The following LAMA1 variants were observed in gnomAD, a reference collection of about 807,000 sequenced individuals.
LAMA1 encodes the protein laminin subunit alpha 1, also known as laminin subunit alpha-1.
In LAMA1, 219 loss-of-function variants were observed where a neutral mutation model predicts 348.7. The observed-to-expected ratio is 0.63, with a 90% CI of 0.56 to 0.70. The LOEUF (loss-of-function observed/expected upper bound fraction) is 0.70. LAMA1 is among the 30% of genes least tolerant of loss of function. LAMA1 has a pLI of 0.00. For missense variants in LAMA1, 3,744 were observed against 3,888.0 expected (o/e 0.96, Z 0.99); for synonymous variants, 1,487 against 1,491.0 (o/e 1.00, Z 0.06).
In LAMA1 at chr18:6,947,016, T is replaced by G. The variant is rs374004260; in HGVS notation, c.8844+147A>C. 3.5e-5 allele frequency: 37 copies of G among 1,060,150 alleles called. 1 individual carries two copies. In the Middle Eastern group the frequency reaches 9.0e-4, roughly 26 times the overall value. 65.7% of individuals were successfully genotyped at this position (1,060,150 alleles called of 1,614,324 possible). A position where few individuals can be genotyped will look rare whatever the true frequency, so the allele number is the denominator to read the frequency against. On this transcript the variant is annotated intron_variant, in intron 61 of 62. Transcript: ENST00000389658. ...AAAAAATAAACCAAAAAGGTTTTCTTGTAGCAATATCTGTTTTTAAAATAG... is the reference window on the plus strand; with the variant it reads ...AAAAAATAAACCAAAAAGGTTTTCTGGTAGCAATATCTGTTTTTAAAATAG...
At chr18:7,087,930 C>T (rs2058224200) in intron 1 of LAMA1, among the ~76,000 whole-genome samples, 1 of 152,194 alleles carries the variant, frequency 6.6e-6, no homozygotes, top group African/African-American at 2.4e-5. Context: ...AATAGCTGCT[C>T]TTATTATGTT....
Position 6,972,970 on chromosome 18 carries a change from C to T in LAMA1, c.6774+87G>A, listed in dbSNP as rs935920873. ...CCTCCCAAAGTTCTGGGATTACAGG[C>T]GTGAGCCACCACGCCCGGCCCATGA... On this transcript the variant is annotated intron_variant, in intron 47 of 62. Transcript: ENST00000389658. 59 of 1,485,784 alleles carry T rather than the reference C, an allele frequency of 4.0e-5. 1 individual carries two copies. Among genetic ancestry groups the T allele is most frequent in the African/African-American group, 2.2e-4 (16 of 72,274 alleles). 92.0% of individuals were successfully genotyped at this position (1,485,784 alleles called of 1,614,324 possible).
In LAMA1 at chr18:7,031,691, A is replaced by ATAAATAAATAAATAAATAAG. The variant is rs2057969805; in HGVS notation, c.2274+374_2274+375insCTTATTTATTTATTTATTTA. On this transcript the variant is annotated intron_variant, in intron 16 of 62. Coordinates refer to ENST00000389658, the MANE Select transcript of LAMA1 (RefSeq NM_005559.4). Reference sequence around the variant, plus strand: ...GTAAGACCCTGTCTCAAATAAATAAATAAATAAATATTAGCACTGTCATCT... The same window carrying ATAAATAAATAAATAAATAAG: ...GTAAGACCCTGTCTCAAATAAATAAATAAATAAATAAATAAATAAGTAAATAAATATTAGCACTGTCATCT... Among the ~76,000 whole-genome samples the ATAAATAAATAAATAAATAAG allele has an allele frequency of 2.0e-5, 3 of 151,882 alleles. No individual in the cohort carries two copies. The South Asian group carries it at 6.2e-4, about 31-fold the overall frequency.
rs1231847401 is a variant in LAMA1 at position 7,117,704 on chromosome 18, A to G, written c.17T>C (p.Leu6Pro). Reference sequence around the variant, plus strand: ...GGCGACACACAGCAGCAAGACCAGGAGCACGCCCCCGCGCATCTCGCCTCC... The same window carrying G: ...GGCGACACACAGCAGCAAGACCAGGGGCACGCCCCCGCGCATCTCGCCTCC... MRGGV[L>P]LVLLLCVAAQ... Residue 6 changes from leucine to proline, a missense_variant, in exon 1 of 63, where the codon CTC becomes CCC. Leu to Pro is a moderately conservative substitution (Grantham distance 98, BLOSUM62 -3). Around this residue, in one of 3 missense-constraint regions of LAMA1, gnomAD observed 1,529 missense variants for 1,689.4 expected, o/e 0.91. Coordinates refer to ENST00000389658, the MANE Select transcript of LAMA1 (RefSeq NM_005559.4). 3.8e-6 allele frequency: 6 copies of G among 1,598,226 alleles called. No homozygotes were observed. Among genetic ancestry groups the G allele is most frequent in the Non-Finnish European group, 5.1e-6 (6 of 1,178,452 alleles).
chr18:6,947,269 TC>T lies in LAMA1; in HGVS notation c.8737del (p.Asp2913MetfsTer2), dbSNP rs776769192. On this transcript the variant is annotated frameshift_variant, in exon 61 of 63. Coordinates refer to ENST00000389658, the MANE Select transcript of LAMA1 (RefSeq NM_005559.4). LOFTEE classifies it high-confidence loss of function. ...LVKEGYKVQS[D>X]VNITLEFRTS... ...TCGAAACTCCAGTGTGATGTTCACA[TC>T]TGACTGGACTTTGTAGCCCTCTTTG... is the stretch of plus-strand genomic sequence containing the variant. 15 of 1,613,964 alleles carry T rather than the reference TC, an allele frequency of 9.3e-6. No homozygotes were observed. The highest frequency in any genetic ancestry group is 1.2e-5 in the Non-Finnish European group (14 of 1,180,024).
intron 17 of LAMA1, 131 bp downstream of exon 17, chr18:7,025,848 C>A: frequency 7.5e-7 from 1 of 1,332,670 alleles, no homozygotes; most frequent in Non-Finnish European, 1.1e-6. Context: ...GTCTTTAATC[C>A]AAATCAATTG....
chr18:7,034,599 T>G lies in LAMA1; in HGVS notation c.1931A>C (p.Asn644Thr). Residue 644 changes from asparagine to threonine, a missense_variant, in exon 14 of 63, where the codon AAC (asparagine) becomes ACC (threonine). Coordinates refer to ENST00000389658, the MANE Select transcript of LAMA1 (RefSeq NM_005559.4). ...YLNVVRLVPENFQDFHSKRQI... is the reference protein window; with the variant it reads ...YLNVVRLVPETFQDFHSKRQI... ...CCTTTTGCTGTGAAAATCTTGGAAGTTTTCAGGCACAAGTCTAACCACGTT... is the reference window on the plus strand; with the variant it reads ...CCTTTTGCTGTGAAAATCTTGGAAGGTTTCAGGCACAAGTCTAACCACGTT... 2 of 1,614,114 alleles carry G rather than the reference T, an allele frequency of 1.2e-6. No homozygotes were observed. The highest frequency in any genetic ancestry group is 1.7e-6 in the Non-Finnish European group (2 of 1,180,020).
At chr18:6,965,959 T>C in intron 49 of LAMA1, 188 bp downstream of exon 49, 2 of 645,700 alleles carry the variant, frequency 3.1e-6, no homozygotes, top group South Asian at 4.1e-5. Flanking sequence ...TCTACAATGA[T>C]AATAAATAAT....
Position 6,982,378 on chromosome 18 carries a change from TG to T in LAMA1, c.5890+118del. On this transcript the variant is annotated intron_variant, in intron 41 of 62. Coordinates refer to ENST00000389658, the MANE Select transcript of LAMA1 (RefSeq NM_005559.4). ...ATATGATAGGAAATTGGAATATAAATGGGACACAGAAATGCTAAGCTTCAAG... is the reference window on the plus strand; with the variant it reads ...ATATGATAGGAAATTGGAATATAAATGGACACAGAAATGCTAAGCTTCAAG... The T allele has an allele frequency of 2.4e-6, 2 of 848,236 alleles. 1 individual carries two copies. Among genetic ancestry groups the T allele is most frequent in the Non-Finnish European group, 4.1e-6 (2 of 484,470 alleles). 52.5% of individuals were successfully genotyped at this position (848,236 alleles called of 1,614,324 possible).
intron 28 of LAMA1, among the ~76,000 whole-genome samples, 167 bp from the exon 29 acceptor site, chr18:7,007,443 C>A (rs1243960150): frequency 1.3e-5 from 2 of 150,966 alleles, no homozygotes; most frequent in African/African-American, 4.9e-5. Context: ...GGTGATGCCA[C>A]CGCACACCTG....
Position 7,037,178 on chromosome 18 carries a change from C to T in LAMA1, c.1737+400G>A, listed in dbSNP as rs551992557. Among the ~76,000 whole-genome samples the T allele has an allele frequency of 3.9e-5, 6 of 152,294 alleles. No homozygotes were observed. In the East Asian group the frequency reaches 5.8e-4, roughly 15 times the overall value. ...CAGCAGTCCCATTGCTGGAACCTTCCCTGGGTTGTTTCTTGTATGCCAGGC... is the reference window on the plus strand; with the variant it reads ...CAGCAGTCCCATTGCTGGAACCTTCTCTGGGTTGTTTCTTGTATGCCAGGC... On this transcript the variant is annotated intron_variant, in intron 12 of 62. Coordinates refer to ENST00000389658, the MANE Select transcript of LAMA1 (RefSeq NM_005559.4).
intron 3 of LAMA1, among the ~76,000 whole-genome samples, chr18:7,078,388 G>A (rs901381308): frequency 9.2e-5 from 14 of 151,536 alleles, no homozygotes; most frequent in East Asian, 6.1e-4. Context: ...GGATGGTCTC[G>A]ATCTCCTGAC....
chr18:7,021,116 C>T (rs1453424775), intron 19 of LAMA1, among the ~76,000 whole-genome samples: 1 of 152,152 alleles, frequency 6.6e-6, no homozygotes, highest in African/African-American at 2.4e-5. Context: ...GGCCCGTCTT[C>T]CCACGCTGGT....
chr18:7,021,821 AT>A (rs2057917548), intron 19 of LAMA1, among the ~76,000 whole-genome samples: 1 of 101,636 alleles, frequency 9.8e-6, no homozygotes, highest in African/African-American at 6.0e-5. Context: ...TATAATATAT[AT>A]TATATAATAT....
Position 6,976,588 on chromosome 18 carries a change from A to ACATT in LAMA1, c.6346-509_6346-508insAATG, listed in dbSNP as rs751868026. 6.3e-3 allele frequency among the ~76,000 whole-genome samples: 931 copies of ACATT among 148,302 alleles called. 4 individuals carry two copies. The highest frequency in any genetic ancestry group is 0.01 in the African/African-American group (420 of 40,686). On this transcript the variant is annotated intron_variant, in intron 44 of 62. Transcript: ENST00000389658. Reference sequence around the variant, plus strand: ...GCATCAAGAAGCATTCCTTGGGCTTATATTTATTTATTTATTTATTTATTT... The same window carrying ACATT: ...GCATCAAGAAGCATTCCTTGGGCTTACATTTATTTATTTATTTATTTATTTATTT...
intron 27 of LAMA1, among the ~76,000 whole-genome samples, chr18:7,009,031 T>G (rs1218154431): frequency 6.6e-6 from 1 of 152,226 alleles, no homozygotes; most frequent in East Asian, 1.9e-4. Flanking sequence ...GTCCTTATAT[T>G]TTATATCGAC....
chr18:6,982,000 ACTG>A (rs1223360569), intron 41 of LAMA1, among the ~76,000 whole-genome samples: 1 of 152,208 alleles, frequency 6.6e-6, no homozygotes. Flanking sequence ...GACAAACTAA[ACTG>A]CATAGGTATT....
chr18:7,004,641 T>C (rs2057824164), intron 29 of LAMA1, among the ~76,000 whole-genome samples: 1 of 152,140 alleles, frequency 6.6e-6, no homozygotes, highest in Non-Finnish European at 1.5e-5. Context: ...CGTGAGCCAC[T>C]GCGCCCGGCC....
chr18:7,035,316 G>A (rs188792447), intron 13 of LAMA1, among the ~76,000 whole-genome samples: 4 of 152,180 alleles, frequency 2.6e-5, no homozygotes, highest in Admixed American at 2.6e-4. Context: ...TCCTCAGACC[G>A]CCAAGTACTG....
Sources: allele counts gnomAD v4.1 joint callset (sites outside exome capture counted in the v4.1 genomes callset), GRCh38; gene constraint gnomAD v4.1.1; regional missense constraint gnomAD v4.1.1; transcripts MANE v1.5; gene names NCBI Gene and HGNC (gene_info 2026-07-23, HGNC 2026-07-21).